CCSER1: variants seen among roughly 807,000 people sequenced by gnomAD.
The protein encoded by CCSER1 is serine-rich coiled-coil domain-containing protein 1.
Under a neutral mutation model 82.0 loss-of-function variants are expected in CCSER1, and 41 were observed. That is an observed-to-expected ratio of 0.50 (90% CI 0.39 to 0.65). CCSER1 has a LOEUF of 0.65. Ranked by LOEUF, CCSER1 falls within the 30% of genes least tolerant of loss-of-function variation. The pLI is 0.00. For missense variants in CCSER1, 1,119 were observed against 1,064.2 expected (o/e 1.05, Z -0.72); for synonymous variants, 414 against 383.9 (o/e 1.08, Z -0.92).
At chr4:90,360,837 A>T (rs760588972) in intron 3 of CCSER1, among the ~76,000 whole-genome samples, 4 of 152,166 alleles carry the variant, frequency 2.6e-5, no homozygotes, top group Non-Finnish European at 5.9e-5. Flanking sequence ...CAAAGAAAAG[A>T]TTGTATACCT....
intron 3 of CCSER1, among the ~76,000 whole-genome samples, chr4:90,318,544 A>C (rs1175032596): frequency 1.3e-5 from 2 of 152,238 alleles, no homozygotes; most frequent in Non-Finnish European, 2.9e-5. Flanking sequence ...TAGAAGAACA[A>C]ATCCGATTTA....
intron 8 of CCSER1, among the ~76,000 whole-genome samples, chr4:90,858,154 C>T (rs1764673019): frequency 6.6e-6 from 1 of 151,988 alleles, no homozygotes; most frequent in Non-Finnish European, 1.5e-5. Context: ...GATTGTGATT[C>T]TAGAGAACTC....
At chr4:90,153,300 G>A (rs1727275057) in intron 1 of CCSER1, among the ~76,000 whole-genome samples, 1 of 151,954 alleles carries the variant, frequency 6.6e-6, no homozygotes, top group Admixed American at 6.6e-5. Flanking sequence ...GGACATTTGG[G>A]TTGGTTCCAA....
At chr4:90,590,564 G>T (rs1782566048) in intron 5 of CCSER1, among the ~76,000 whole-genome samples, 1 of 151,628 alleles carries the variant, frequency 6.6e-6, no homozygotes, top group South Asian at 2.1e-4. Flanking sequence ...TGGGCAAAAA[G>T]AGTGAAACTT....
intron 10 of CCSER1, among the ~76,000 whole-genome samples, chr4:91,293,962 T>G (rs749771122): frequency 5.3e-5 from 8 of 151,966 alleles, no homozygotes; most frequent in Non-Finnish European, 7.4e-5. Context: ...AGTTAAGAGC[T>G]TAGAGTCTTC....
At chr4:91,342,756 T>C (rs771154872) in intron 10 of CCSER1, among the ~76,000 whole-genome samples, 135 of 152,128 alleles carry the variant, frequency 8.9e-4, no homozygotes, top group Non-Finnish European at 8.1e-4. Flanking sequence ...CAATTACATA[T>C]AGGTTGTATG....
At chr4:91,423,171 G>A (rs1217261949) in intron 10 of CCSER1, among the ~76,000 whole-genome samples, 3 of 151,720 alleles carry the variant, frequency 2.0e-5, no homozygotes, top group Non-Finnish European at 4.4e-5. Flanking sequence ...CACGCCTGTA[G>A]TCCCAACACT....
chr4:91,044,642 G>A (rs927097420), intron 9 of CCSER1, among the ~76,000 whole-genome samples: 1 of 151,966 alleles, frequency 6.6e-6, no homozygotes. Flanking sequence ...CTCCATCTCA[G>A]GGCCTTTTAC....
At chr4:91,149,710 T>C (rs952539303) in intron 10 of CCSER1, among the ~76,000 whole-genome samples, 44 of 152,350 alleles carry the variant, frequency 2.9e-4, no homozygotes, top group African/African-American at 1.1e-3. Flanking sequence ...TAGCCAGTTT[T>C]CCCAGCAGCT....
intron 1 of CCSER1, among the ~76,000 whole-genome samples, chr4:90,146,024 T>A (rs541559492): frequency 2.0e-4 from 30 of 152,170 alleles, no homozygotes; most frequent in Middle Eastern, 3.4e-3. Context: ...TTATTATCTA[T>A]GAATTAATAC....
intron 10 of CCSER1, among the ~76,000 whole-genome samples, chr4:91,133,655 G>A (rs575634035): frequency 2.0e-5 from 3 of 152,224 alleles, no homozygotes; most frequent in African/African-American, 7.2e-5. Context: ...AGAGGGACAA[G>A]AAGCAATATC....
chr4:90,230,095 T>C (rs1404987225), intron 1 of CCSER1, among the ~76,000 whole-genome samples: 2 of 152,170 alleles, frequency 1.3e-5, no homozygotes, highest in Admixed American at 6.5e-5. Flanking sequence ...ATCCAGGAGT[T>C]GGACTCAGCT....
At chr4:90,749,293 A>T in intron 7 of CCSER1, among the ~76,000 whole-genome samples, 1 of 151,906 alleles carries the variant, frequency 6.6e-6, no homozygotes. Context: ...ATTAAATAGG[A>T]AATCCTTTCC....
intron 10 of CCSER1, among the ~76,000 whole-genome samples, chr4:91,451,627 C>G (rs1360375299): frequency 5.3e-5 from 8 of 151,482 alleles, no homozygotes. Context: ...TCCAAATAAC[C>G]AAAAAGAAGG....
chr4:91,384,076 T>G (rs1751113308), intron 10 of CCSER1, among the ~76,000 whole-genome samples: 1 of 152,158 alleles, frequency 6.6e-6, no homozygotes, highest in African/African-American at 2.4e-5. Context: ...AGTGAATTTT[T>G]TTTGTGAATG....
intron 5 of CCSER1, among the ~76,000 whole-genome samples, chr4:90,580,158 T>G (rs557804333): frequency 2.6e-5 from 4 of 152,160 alleles, no homozygotes; most frequent in Non-Finnish European, 4.4e-5. Flanking sequence ...TAGGGATATA[T>G]ATAAATATAC....
At chr4:90,287,048 G>A (rs1212367906) in intron 1 of CCSER1, among the ~76,000 whole-genome samples, 1 of 151,860 alleles carries the variant, frequency 6.6e-6, no homozygotes, top group Non-Finnish European at 1.5e-5. Flanking sequence ...ATGGTACCCT[G>A]GTGGTATGAA....
chr4:90,517,514 A>G (rs1020580584), intron 5 of CCSER1, among the ~76,000 whole-genome samples: 2 of 152,110 alleles, frequency 1.3e-5, no homozygotes, highest in African/African-American at 2.4e-5. Context: ...TGAGTTAAGG[A>G]TGTTGACCAA....
chr4:91,483,529 G>A (rs1365244181), intron 10 of CCSER1, among the ~76,000 whole-genome samples: 1 of 151,748 alleles, frequency 6.6e-6, no homozygotes, highest in Non-Finnish European at 1.5e-5. Flanking sequence ...TCTGCCTCCT[G>A]AGTTCAAGTG....
Sources: allele counts gnomAD v4.1 joint callset (sites outside exome capture counted in the v4.1 genomes callset), GRCh38; gene constraint gnomAD v4.1.1; transcripts MANE v1.5; gene names NCBI Gene and HGNC (gene_info 2026-07-23, HGNC 2026-07-21).